MBOAT2: variants seen among roughly 807,000 people sequenced by gnomAD.
MBOAT2 encodes the protein membrane-bound glycerophospholipid O-acyltransferase 2.
A neutral mutation model predicts 63.4 loss-of-function variants in MBOAT2; 28 were observed. The ratio of observed to expected loss-of-function variants is 0.44; its 90% confidence interval spans 0.33 to 0.61. The LOEUF is 0.61. Among genes scored for constraint, MBOAT2 ranks in the 20% least tolerant of loss-of-function variants. The pLI, the probability that MBOAT2 is intolerant of heterozygous loss-of-function variation, is 0.03. For synonymous variants in MBOAT2, 211 were observed against 215.6 expected (o/e 0.98, Z 0.19); for missense variants, 470 against 605.8 (o/e 0.78, Z 2.35).
At chr2:8,864,693 G>A (rs186849237) in intron 9 of MBOAT2, among the ~76,000 whole-genome samples, 33 of 152,010 alleles carry the variant, frequency 2.2e-4, no homozygotes, top group Middle Eastern at 3.4e-3. Flanking sequence ...CAATTCTGGC[G>A]CTGCCTGGCT....
rs769573798 is a variant in MBOAT2 at position 8,958,583 on chromosome 2, A to G, written c.135T>C (p.Tyr45=). 1.7e-5 allele frequency: 28 copies of G among 1,612,320 alleles called. No individual in the cohort carries two copies. Among genetic ancestry groups the G allele is most frequent in the African/African-American group, 8.0e-5 (6 of 74,890 alleles). The change falls in exon 2 of 13, where the codon TAT becomes TAC. Residue 45 remains tyrosine (Y), a synonymous_variant. Coordinates refer to ENST00000305997, the MANE Select transcript of MBOAT2 (RefSeq NM_138799.4). ...AAGAGCTAGTTTTGCTTGAATGTAG[A>G]TAAGTTCGAAACCAAATGGCTGCTA... ...ALLAAIWFRT[Y]LHSSKTSSFI...
chr2:8,885,724 G>A (rs1186551052), intron 5 of MBOAT2, among the ~76,000 whole-genome samples: 2 of 152,194 alleles, frequency 1.3e-5, no homozygotes, highest in African/African-American at 4.8e-5. Flanking sequence ...TATTATATGA[G>A]GGTGATGAAA....
At chr2:8,972,590 G>A (rs1343329373) in intron 1 of MBOAT2, among the ~76,000 whole-genome samples, 2 of 152,016 alleles carry the variant, frequency 1.3e-5, no homozygotes, top group Non-Finnish European at 2.9e-5. Context: ...CAACCTACAG[G>A]ATGGGAGAAA....
chr2:8,901,680 T>A (rs1275835446), intron 4 of MBOAT2, among the ~76,000 whole-genome samples: 1 of 152,146 alleles, frequency 6.6e-6, no homozygotes. Flanking sequence ...GGCCTGCTTG[T>A]CTGAGGAGGG....
intron 1 of MBOAT2, among the ~76,000 whole-genome samples, chr2:8,996,942 G>C (rs1219901434): frequency 6.6e-6 from 1 of 152,196 alleles, no homozygotes; most frequent in Non-Finnish European, 1.5e-5. Context: ...ATGGGATTCA[G>C]AAAAAGATTC....
intron 1 of MBOAT2, among the ~76,000 whole-genome samples, chr2:8,997,171 T>A (rs966105719): frequency 6.6e-6 from 1 of 152,244 alleles, no homozygotes; most frequent in Non-Finnish European, 1.5e-5. Context: ...CTGAGGGTCG[T>A]ATTTATGGCT....
Position 8,877,063 on chromosome 2 carries a change from CTCT to C in MBOAT2, c.654_656del (p.Glu219del). Reference sequence around the variant, plus strand: ...ATGGCTCTGTTCTTTCATACTGTGTCTCTTCTTTTCCATTTTCACCAGATTGTG... The same window carrying C: ...ATGGCTCTGTTCTTTCATACTGTGTCTCTTTTCCATTTTCACCAGATTGTG... On this transcript the variant is annotated inframe_deletion, in exon 7 of 13. Transcript: ENST00000305997. 1 of 1,613,326 alleles carries C rather than the reference CTCT, an allele frequency of 6.2e-7. No individual in the cohort carries two copies. The highest frequency in any genetic ancestry group is 8.5e-7 in the Non-Finnish European group (1 of 1,179,800).
chr2:8,917,381 T>C (rs187746502), intron 3 of MBOAT2, among the ~76,000 whole-genome samples: 15 of 151,708 alleles, frequency 9.9e-5, no homozygotes, highest in African/African-American at 3.1e-4. Flanking sequence ...ATCCAAAACA[T>C]AGAAATAATG....
At chr2:8,962,915 T>C (rs1669713889) in intron 1 of MBOAT2, among the ~76,000 whole-genome samples, 1 of 151,992 alleles carries the variant, frequency 6.6e-6, no homozygotes, top group Non-Finnish European at 1.5e-5. Flanking sequence ...TAGAAAGAAC[T>C]CCTAAACGCC....
intron 3 of MBOAT2, among the ~76,000 whole-genome samples, chr2:8,936,828 A>AG (rs1667703816): frequency 6.8e-6 from 1 of 147,562 alleles, no homozygotes; most frequent in African/African-American, 2.6e-5. Flanking sequence ...AAAAGAAAAA[A>AG]AAAGAAAGAA....
intron 4 of MBOAT2, among the ~76,000 whole-genome samples, chr2:8,898,275 G>T (rs981907558): frequency 2.6e-5 from 4 of 152,178 alleles, no homozygotes; most frequent in Non-Finnish European, 5.9e-5. Flanking sequence ...ATGAGTATTT[G>T]CCCTGGGTCT....
chr2:8,931,991 G>A (rs896842250), intron 3 of MBOAT2, among the ~76,000 whole-genome samples: 7 of 152,192 alleles, frequency 4.6e-5, no homozygotes, highest in South Asian at 2.1e-4. Context: ...TTCGCCATGA[G>A]GAATAAATGC....
In MBOAT2 at chr2:8,856,787, T is replaced by A. The variant is rs1269838526; in HGVS notation, c.*1892A>T. The A allele has an allele frequency of 2.0e-5, 3 of 152,182 alleles. No individual in the cohort carries two copies. Among genetic ancestry groups the A allele is most frequent in the African/African-American group, 7.2e-5 (3 of 41,408 alleles). 9.4% of individuals were successfully genotyped at this position (152,182 alleles called of 1,614,324 possible). ...CCAGGCTGGTCTCCAACTCCTGACC[T>A]CAAGTGATCCGCCCACCTCGGCCTC... On this transcript the variant is annotated 3_prime_UTR_variant, in exon 13 of 13. Coordinates refer to ENST00000305997, the MANE Select transcript of MBOAT2 (RefSeq NM_138799.4). The surrounding 1 kb of genome is among the most constrained non-coding windows in gnomAD (Gnocchi z 4.2).
intron 1 of MBOAT2, among the ~76,000 whole-genome samples, chr2:8,973,705 G>A (rs1306027782): frequency 6.6e-6 from 1 of 151,992 alleles, no homozygotes; most frequent in East Asian, 1.9e-4. Flanking sequence ...AATCACAAAT[G>A]ATTCATTCCT....
At chr2:8,873,722 G>A (rs1662511594) in intron 7 of MBOAT2, among the ~76,000 whole-genome samples, 1 of 152,094 alleles carries the variant, frequency 6.6e-6, no homozygotes, top group Non-Finnish European at 1.5e-5. Flanking sequence ...GGCATCTCAT[G>A]GATGTTATTT....
chr2:8,866,483 ATTG>A (rs1661909244), intron 9 of MBOAT2, among the ~76,000 whole-genome samples: 1 of 152,206 alleles, frequency 6.6e-6, no homozygotes, highest in African/African-American at 2.4e-5. Flanking sequence ...TATTGCCAAC[ATTG>A]TTGTTAAGAA....
At chr2:8,965,093 T>C (rs1669892325) in intron 1 of MBOAT2, among the ~76,000 whole-genome samples, 1 of 152,196 alleles carries the variant, frequency 6.6e-6, no homozygotes, top group Non-Finnish European at 1.5e-5. Flanking sequence ...TTTTGCAGTA[T>C]ACATACAACT....
chr2:8,930,134 G>C (rs1253066657), intron 3 of MBOAT2, among the ~76,000 whole-genome samples: 1 of 152,164 alleles, frequency 6.6e-6, no homozygotes, highest in African/African-American at 2.4e-5. Context: ...CCGCTGCAAG[G>C]TTATAAAGTA....
At chr2:8,884,640 T>C (rs1443956732) in intron 5 of MBOAT2, among the ~76,000 whole-genome samples, 2 of 152,246 alleles carry the variant, frequency 1.3e-5, no homozygotes, top group African/African-American at 4.8e-5. Context: ...AACTATGTCA[T>C]TATATTTAGT....
Sources: gnomAD v4.1 joint callset for allele counts (sites outside exome capture counted in the v4.1 genomes callset) on GRCh38, gnomAD v4.1.1 for gene constraint, Gnocchi (gnomAD v3.1) non-coding constraint, MANE v1.5 for transcripts, NCBI Gene and HGNC (gene_info 2026-07-23, HGNC 2026-07-21) for gene names.